The following PDE3A variants were observed in gnomAD, a reference collection of about 807,000 sequenced individuals.
PDE3A encodes the protein phosphodiesterase 3A.
PDE3A carries 43 observed loss-of-function variants against 98.3 expected under a neutral mutation model. The observed-to-expected ratio is 0.44, with a 90% confidence interval of 0.34 to 0.56. The LOEUF is 0.56. Ranked by LOEUF, PDE3A falls within the 20% of genes least tolerant of loss-of-function variation. The pLI is 0.01. For synonymous variants in PDE3A, 663 were observed against 567.9 expected (o/e 1.17, Z -2.38); for missense variants, 1,427 against 1,440.7 (o/e 0.99, Z 0.15).
In PDE3A at chr12:20,370,092, C is replaced by A; in HGVS notation, c.808C>A (p.His270Asn). 2.5e-6 allele frequency: 4 copies of A among 1,613,182 alleles called. No homozygotes were observed. Among genetic ancestry groups the A allele is most frequent in the Non-Finnish European group, 3.4e-6 (4 of 1,179,864 alleles). Residue 270 changes from histidine to asparagine, a missense_variant, in exon 1 of 16, where the codon CAT becomes AAT. Physicochemically the swap from His to Asn is moderately conservative, Grantham distance 68 (BLOSUM62 1). Around this residue, in one of 3 missense-constraint regions of PDE3A, gnomAD observed 1,012 missense variants for 886.5 expected, o/e 1.14. Coordinates refer to ENST00000359062, the MANE Select transcript of PDE3A (RefSeq NM_000921.5). ...GTCCGCGGAGGCGGCTCCAAGGGAG[C>A]ATTTGGGGTCCCAGCTGATTGCTGG... ...PQSAEAAPRE[H>N]LGSQLIAGTK...
At chr12:20,562,636 T>G (rs1942557765) in intron 2 of PDE3A, among the ~76,000 whole-genome samples, 1 of 152,168 alleles carries the variant, frequency 6.6e-6, no homozygotes, top group Admixed American at 6.5e-5. Flanking sequence ...AATTTGTGAA[T>G]TTGTAAACAT....
rs61536759 is a variant in PDE3A, at chr12:20,435,382, T to TA, written c.960+65147dup. ...AGAATTTAGGCTTGTCTTCCAGATT[T>TA]AAAAAAAAATCATCTAAGGTGCAGT... On this transcript the variant is annotated intron_variant, in intron 1 of 15. Coordinates refer to ENST00000359062, the MANE Select transcript of PDE3A (RefSeq NM_000921.5). Among the ~76,000 whole-genome samples, 605 of 151,714 alleles carry TA rather than the reference T, an allele frequency of 4.0e-3. 6 individuals carry two copies. Among genetic ancestry groups the TA allele is most frequent in the African/African-American group, 0.013 (544 of 41,388 alleles).
At chr12:20,595,948 T>A (rs1289431562) in intron 2 of PDE3A, among the ~76,000 whole-genome samples, 2 of 152,206 alleles carry the variant, frequency 1.3e-5, no homozygotes, top group African/African-American at 4.8e-5. Flanking sequence ...TCAATGTTTT[T>A]CCTACATCCT....
At chr12:20,652,641 T>C (rs1460159695) in intron 14 of PDE3A, among the ~76,000 whole-genome samples, 3 of 152,170 alleles carry the variant, frequency 2.0e-5, no homozygotes, top group Non-Finnish European at 4.4e-5. Flanking sequence ...GTAAATTTGT[T>C]TGAGTTCATT....
rs1430804779 is a variant in PDE3A, at chr12:20,410,401, G to A, written c.960+40157G>A. Among the ~76,000 whole-genome samples the A allele has an allele frequency of 2.6e-5, 4 of 152,292 alleles. No homozygotes were observed. In the South Asian group the frequency reaches 8.3e-4, roughly 32 times the overall value. On this transcript the variant is annotated intron_variant, in intron 1 of 15. Transcript: ENST00000359062. The stretch of plus-strand genomic sequence containing the variant: ...TTGAAGCAGAGAAAGTCAATTCACA[G>A]AGAAAATGAAACATAATTTCTGTTC...
intron 1 of PDE3A, among the ~76,000 whole-genome samples, chr12:20,548,834 C>T (rs1230938419): frequency 2.6e-5 from 4 of 152,166 alleles, no homozygotes; most frequent in Non-Finnish European, 5.9e-5. Context: ...TAACACTAAT[C>T]TTATCTGTTT....
At chr12:20,567,199 A>G (rs1942683057) in intron 2 of PDE3A, among the ~76,000 whole-genome samples, 1 of 152,048 alleles carries the variant, frequency 6.6e-6, no homozygotes, top group African/African-American at 2.4e-5. Flanking sequence ...AAATGAAAAC[A>G]TTATAATTTA....
intron 1 of PDE3A, among the ~76,000 whole-genome samples, chr12:20,400,062 T>G (rs1481047118): frequency 6.6e-6 from 1 of 151,992 alleles, no homozygotes. Flanking sequence ...CGTGTTTTCT[T>G]CTTCTTTGAG....
chr12:20,387,853 T>C (rs906318204), intron 1 of PDE3A, among the ~76,000 whole-genome samples: 1 of 152,030 alleles, frequency 6.6e-6, no homozygotes, highest in Non-Finnish European at 1.5e-5. Flanking sequence ...GAAAATACTT[T>C]TGATGAGTGG....
chr12:20,580,799 A>G (rs1393263952), intron 2 of PDE3A, among the ~76,000 whole-genome samples: 9 of 152,204 alleles, frequency 5.9e-5, no homozygotes, highest in Non-Finnish European at 1.3e-4. Context: ...CCCCCTCTGC[A>G]CACTCGCATG....
chr12:20,402,603 AATATT>A (rs1325299229), intron 1 of PDE3A, among the ~76,000 whole-genome samples: 1 of 152,192 alleles, frequency 6.6e-6, no homozygotes, highest in African/African-American at 2.4e-5. Context: ...AACTTTGAAA[AATATT>A]ATATTGAATG....
intron 2 of PDE3A, among the ~76,000 whole-genome samples, chr12:20,579,064 C>T (rs1273059346): frequency 1.3e-5 from 2 of 152,082 alleles, no homozygotes; most frequent in African/African-American, 4.8e-5. Flanking sequence ...GTGCTTCTCA[C>T]TCCCAATTTA....
At chr12:20,402,960 T>C (rs1394352301) in intron 1 of PDE3A, among the ~76,000 whole-genome samples, 1 of 152,138 alleles carries the variant, frequency 6.6e-6, no homozygotes, top group African/African-American at 2.4e-5. Flanking sequence ...ATGAGAAACA[T>C]TTGATGAAAG....
At chr12:20,625,113 G>A (rs950865894) in intron 5 of PDE3A, among the ~76,000 whole-genome samples, 5 of 152,270 alleles carry the variant, frequency 3.3e-5, no homozygotes, top group African/African-American at 1.2e-4. Flanking sequence ...AGTAAACAGC[G>A]TGTCCTCTAG....
rs756728001 is a variant in PDE3A, at chr12:20,369,684, G to A, written c.400G>A (p.Ala134Thr). ...GCTCAGCCCCTGGCTGCAGCCCTCG[G>A]CGCTGCTCTTCAGTCTCCTGTGTGC... ...ARLSPWLQPS[A>T]LLFSLLCAFF... The change falls in exon 1 of 16, where the codon GCG becomes ACG. Residue 134 changes from alanine (A) to threonine (T), a missense_variant. Physicochemically the swap from Ala to Thr is moderately conservative, Grantham distance 58. Coordinates refer to ENST00000359062, the MANE Select transcript of PDE3A (RefSeq NM_000921.5). The A allele has an allele frequency of 1.2e-6, 2 of 1,610,698 alleles. No homozygotes were observed. The highest frequency in any genetic ancestry group is 1.7e-6 in the Non-Finnish European group (2 of 1,179,204).
chr12:20,450,103 T>C, intron 1 of PDE3A: 1 of 502,286 alleles, frequency 2.0e-6, no homozygotes, highest in Non-Finnish European at 3.7e-6. Context: ...TTGGATTTGA[T>C]GCTGCTCCTT....
Position 20,633,751 on chromosome 12 carries a change from G to A in PDE3A, c.1819G>A (p.Val607Ile). ...PADEPLERSG[V>I]ATRTPSRTDD... is the part of the protein sequence containing the mutation. ...TGATGAGCCCCTGGAGAGAAGTGGG[G>A]TAGCCACTCGGACACCAAGTAGAAC... Residue 607 changes from valine (V) to isoleucine (I), a missense_variant, in exon 7 of 16, where the codon GTA becomes ATA. By Grantham distance (29) the Val-to-Ile change is conservative (BLOSUM62 3). Coordinates refer to ENST00000359062, the MANE Select transcript of PDE3A (RefSeq NM_000921.5). 5.0e-6 allele frequency: 8 copies of A among 1,605,968 alleles called. No individual in the cohort carries two copies. Among genetic ancestry groups the A allele is most frequent in the Non-Finnish European group, 6.8e-6 (8 of 1,174,582 alleles).
At chr12:20,496,940 G>A (rs1194268471) in intron 1 of PDE3A, among the ~76,000 whole-genome samples, 1 of 152,186 alleles carries the variant, frequency 6.6e-6, no homozygotes, top group Non-Finnish European at 1.5e-5. Context: ...GATGAACTCA[G>A]GAAACATAAG....
At chr12:20,401,830 G>T (rs145133462) in intron 1 of PDE3A, among the ~76,000 whole-genome samples, 1 of 152,050 alleles carries the variant, frequency 6.6e-6, no homozygotes, top group African/African-American at 2.4e-5. Context: ...CCTCTCCTGC[G>T]CCCCACATTA....
Sources: gnomAD v4.1 joint callset for allele counts (sites outside exome capture counted in the v4.1 genomes callset) on GRCh38, gnomAD v4.1.1 for gene constraint, gnomAD v4.1.1 regional missense constraint, MANE v1.5 for transcripts, NCBI Gene and HGNC (gene_info 2026-07-23, HGNC 2026-07-21) for gene names.